SH3RF3: variants seen among roughly 807,000 people sequenced by gnomAD.
The protein encoded by SH3RF3 is SH3 domain containing ring finger 3, also known as E3 ubiquitin-protein ligase SH3RF3.
In SH3RF3, 29 loss-of-function variants were observed where a neutral mutation model predicts 66.3. That is an observed-to-expected ratio of 0.44 (90% CI 0.33 to 0.60). The LOEUF is 0.60. SH3RF3 is among the 20% of genes least tolerant of loss of function. The pLI is 0.04. For missense variants in SH3RF3, 1,194 were observed against 1,190.9 expected, an observed-to-expected ratio of 1.00 and a Z score of -0.04; for synonymous variants, 583 against 532.0, an observed-to-expected ratio of 1.10 and a Z score of -1.32.
At chr2:109,497,324 A>G (rs1210762315) in intron 9 of SH3RF3, among the ~76,000 whole-genome samples, 1 of 152,166 alleles carries the variant, frequency 6.6e-6, no homozygotes, top group Non-Finnish European at 1.5e-5. Context: ...TGCTCTGAAA[A>G]GGCTACCACA....
chr2:109,182,602 A>G (rs1678096936), intron 1 of SH3RF3, among the ~76,000 whole-genome samples: 2 of 152,242 alleles, frequency 1.3e-5, no homozygotes, highest in African/African-American at 4.8e-5. Flanking sequence ...GCAAGAATGA[A>G]TCGATGTTGC....
chr2:109,315,165 A>G (rs1179697157), intron 1 of SH3RF3, among the ~76,000 whole-genome samples: 1 of 152,242 alleles, frequency 6.6e-6, no homozygotes, highest in Non-Finnish European at 1.5e-5. Flanking sequence ...ATTAGCAGAA[A>G]GTCTTATTTG....
At chr2:109,286,302 T>C (rs1681029337) in intron 1 of SH3RF3, among the ~76,000 whole-genome samples, 1 of 152,150 alleles carries the variant, frequency 6.6e-6, no homozygotes, top group African/African-American at 2.4e-5. Flanking sequence ...GGTCAAGGGA[T>C]GTGTTTGACC....
In SH3RF3 at chr2:109,419,427, C is replaced by G. The variant is rs1676812094; in HGVS notation, c.1300-112C>G. 5.2e-6 allele frequency: 6 copies of G among 1,150,016 alleles called. No homozygotes were observed. The Admixed American group carries it at 1.3e-4, about 24-fold the overall frequency. The allele number at this position is 1,150,016 out of a possible 1,614,324, so 71.2% of individuals were successfully genotyped here. Reference sequence around the variant, plus strand: ...CACAGCACGTTGGAGGCCAAACAGCCAGGCAGCTGGCGAAGCACAGGCACC... The same window carrying G: ...CACAGCACGTTGGAGGCCAAACAGCGAGGCAGCTGGCGAAGCACAGGCACC... On this transcript the variant is annotated intron_variant, in intron 4 of 9. Coordinates refer to ENST00000309415, the MANE Select transcript of SH3RF3 (RefSeq NM_001099289.3).
intron 1 of SH3RF3, among the ~76,000 whole-genome samples, chr2:109,291,104 C>G (rs1201426809): frequency 6.6e-6 from 1 of 152,130 alleles, no homozygotes; most frequent in South Asian, 2.1e-4. Context: ...GTGTCCAGAA[C>G]CAGTCACTTA....
chr2:109,248,830 T>A (rs1166491428), intron 1 of SH3RF3, among the ~76,000 whole-genome samples: 1 of 151,550 alleles, frequency 6.6e-6, no homozygotes, highest in African/African-American at 2.4e-5. Context: ...TCTCTTTCTC[T>A]CTTTTCTCCT....
At chr2:109,287,212 C>G (rs895802138) in intron 1 of SH3RF3, among the ~76,000 whole-genome samples, 2 of 152,078 alleles carry the variant, frequency 1.3e-5, no homozygotes, top group African/African-American at 4.8e-5. Flanking sequence ...TTAAATTTTT[C>G]CAAGGGACTT....
chr2:109,396,895 C>T (rs1043192497), intron 3 of SH3RF3, among the ~76,000 whole-genome samples: 1 of 152,268 alleles, frequency 6.6e-6, no homozygotes, highest in African/African-American at 2.4e-5. Context: ...TTCCCACCTT[C>T]GTGGATCTCA....
intron 3 of SH3RF3, among the ~76,000 whole-genome samples, chr2:109,379,953 C>T (rs1274311287): frequency 6.6e-6 from 1 of 152,288 alleles, no homozygotes; most frequent in African/African-American, 2.4e-5. Context: ...AAGCAGTGGT[C>T]TTGCCTTCAC....
intron 1 of SH3RF3, among the ~76,000 whole-genome samples, chr2:109,267,000 T>A (rs1680511917): frequency 6.6e-6 from 1 of 152,184 alleles, no homozygotes; most frequent in Non-Finnish European, 1.5e-5. Flanking sequence ...TTTATAAGAC[T>A]TGAAGAACAA....
intron 1 of SH3RF3, among the ~76,000 whole-genome samples, chr2:109,222,791 A>G (rs1253023018): frequency 6.6e-6 from 1 of 152,236 alleles, no homozygotes; most frequent in African/African-American, 2.4e-5. Context: ...TTGGTTTGCT[A>G]AAAGACAAAA....
intron 9 of SH3RF3, among the ~76,000 whole-genome samples, chr2:109,494,579 G>T (rs1393199457): frequency 6.6e-6 from 1 of 152,200 alleles, no homozygotes; most frequent in African/African-American, 2.4e-5. Flanking sequence ...AGGAGGAGCT[G>T]CTGGGCTGCG....
intron 4 of SH3RF3, among the ~76,000 whole-genome samples, chr2:109,413,007 C>A (rs1676635153): frequency 6.6e-6 from 1 of 152,242 alleles, no homozygotes. Context: ...GTCAGCCTGC[C>A]AGCCCCACAC....
chr2:109,170,316 CCTCT>C (rs141565429), intron 1 of SH3RF3, among the ~76,000 whole-genome samples: 6,459 of 135,808 alleles, frequency 0.048, 444 homozygotes, highest in East Asian at 0.33. Flanking sequence ...TCTCTTCTCT[CCTCT>C]CTCTCTCTCC....
At chr2:109,413,987 G>A (rs1296798939) in intron 4 of SH3RF3, among the ~76,000 whole-genome samples, 1 of 152,226 alleles carries the variant, frequency 6.6e-6, no homozygotes, top group Non-Finnish European at 1.5e-5. Context: ...GTCCTTCTAG[G>A]TCCTTGGCTT....
At chr2:109,205,430 A>C (rs1441418507) in intron 1 of SH3RF3, among the ~76,000 whole-genome samples, 2 of 151,984 alleles carry the variant, frequency 1.3e-5, no homozygotes, top group African/African-American at 4.8e-5. Flanking sequence ...TTGTATTTTT[A>C]GTAGAGACAG....
At chr2:109,396,740 C>T (rs148564821) in intron 3 of SH3RF3, among the ~76,000 whole-genome samples, 24 of 152,250 alleles carry the variant, frequency 1.6e-4, no homozygotes, top group African/African-American at 5.8e-4. Context: ...CTGGCACCTG[C>T]GGGCCTCACA....
At chr2:109,137,773 G>A (rs539567543) in intron 1 of SH3RF3, among the ~76,000 whole-genome samples, 6 of 152,328 alleles carry the variant, frequency 3.9e-5, no homozygotes, top group African/African-American at 7.2e-5. Context: ...TTGTTTTTGC[G>A]TTCAAAGACT....
At chr2:109,443,484 A>G (rs1284948778) in intron 7 of SH3RF3, among the ~76,000 whole-genome samples, 4 of 152,230 alleles carry the variant, frequency 2.6e-5, no homozygotes, top group African/African-American at 9.6e-5. Context: ...AAAGCACCAC[A>G]GATAATGACT....
Sources: allele counts gnomAD v4.1 joint callset (sites outside exome capture counted in the v4.1 genomes callset), GRCh38; gene constraint gnomAD v4.1.1; transcripts MANE v1.5; gene names NCBI Gene and HGNC (gene_info 2026-07-23, HGNC 2026-07-21).